The following SLC38A9 variants were observed in gnomAD, a reference collection of about 807,000 sequenced individuals.
SLC38A9 encodes solute carrier family 38 member 9, also known as neutral amino acid transporter 9.
In SLC38A9, 48 loss-of-function variants were observed where a neutral mutation model predicts 62.3. That is an observed-to-expected ratio of 0.77 (90% CI 0.61 to 0.98). SLC38A9 has a LOEUF of 0.98. SLC38A9 is among the 50% of genes least tolerant of loss of function. SLC38A9 has a pLI of 0.00. For synonymous variants in SLC38A9, 204 were observed against 227.7 expected (o/e 0.90, Z 0.94); for missense variants, 541 against 679.8 (o/e 0.80, Z 2.27).
chr5:55,691,273 A>T, intron 3 of SLC38A9: 1 of 1,412,194 alleles, frequency 7.1e-7, no homozygotes, highest in Non-Finnish European at 9.7e-7. Context: ...CCATTATAAT[A>T]CCAAGCTGAC....
At chr5:55,661,531 C>T (rs1580226312) in intron 8 of SLC38A9, among the ~76,000 whole-genome samples, 1 of 149,198 alleles carries the variant, frequency 6.7e-6, no homozygotes. Flanking sequence ...AGTGCAATGT[C>T]AATCAAATTC....
At chr5:55,686,199 C>T (rs1313720200) in intron 3 of SLC38A9, among the ~76,000 whole-genome samples, 1 of 152,120 alleles carries the variant, frequency 6.6e-6, no homozygotes, top group Non-Finnish European at 1.5e-5. Flanking sequence ...GAGGAATCAC[C>T]ACACTATCTT....
chr5:55,629,470 T>C (rs897088756), intron 14 of SLC38A9, among the ~76,000 whole-genome samples: 2 of 152,216 alleles, frequency 1.3e-5, no homozygotes, highest in African/African-American at 4.8e-5. Flanking sequence ...AATCTCATGT[T>C]TGAATATATA....
At chr5:55,688,883 C>T (rs1032761660) in intron 3 of SLC38A9, among the ~76,000 whole-genome samples, 1 of 151,976 alleles carries the variant, frequency 6.6e-6, no homozygotes, top group African/African-American at 2.4e-5. Context: ...CACTCAAAGA[C>T]ATAATAAAGA....
chr5:55,672,809 G>T, intron 3 of SLC38A9, 114 bp from the exon 4 acceptor site: 1 of 989,510 alleles, frequency 1.0e-6, no homozygotes. Context: ...CAAAGGCAAG[G>T]CATTGACTTC....
At position 55,669,775 on chromosome 5, in the gene SLC38A9, G is replaced by A. The variant is rs1195963875; in HGVS notation, c.351C>T (p.Asn117=). The A allele has an allele frequency of 6.2e-7, 1 of 1,613,726 alleles. No homozygotes were observed. ...LQSYTEGYGK[N]TSLVTIFMIW... ...TCACTCACATGGTTACTAAACTGGT[G>A]TTTTTACCGTATCCTTCAGTGTAAC... Residue 117 remains asparagine, a synonymous_variant, in exon 5 of 16, where the codon AAC becomes AAT. Coordinates refer to ENST00000396865, the MANE Select transcript of SLC38A9 (RefSeq NM_173514.4).
chr5:55,700,115 C>A (rs1020862409), intron 2 of SLC38A9, among the ~76,000 whole-genome samples: 17 of 151,876 alleles, frequency 1.1e-4, no homozygotes, highest in Non-Finnish European at 1.8e-4. Flanking sequence ...TCGAGGTGGG[C>A]AGATCACTTG....
intron 4 of SLC38A9, among the ~76,000 whole-genome samples, chr5:55,670,772 T>C (rs1003097875): frequency 1.3e-5 from 2 of 152,126 alleles, no homozygotes; most frequent in Admixed American, 1.3e-4. Flanking sequence ...AGGTCTCAAC[T>C]AGACCCAGAG....
intron 10 of SLC38A9, 101 bp downstream of exon 10, chr5:55,652,428 G>T: frequency 4.4e-5 from 18 of 405,854 alleles, no homozygotes; most frequent in African/African-American, 4.2e-5. Flanking sequence ...AAACACAGAT[G>T]AACAGGCTTG....
intron 10 of SLC38A9, among the ~76,000 whole-genome samples, chr5:55,649,546 G>T (rs1747011250): frequency 6.6e-6 from 1 of 152,210 alleles, no homozygotes; most frequent in Admixed American, 6.5e-5. Flanking sequence ...GATGAGCTGG[G>T]CATGGTGGCT....
intron 12 of SLC38A9, among the ~76,000 whole-genome samples, chr5:55,645,337 G>C (rs1196948723): frequency 6.6e-6 from 1 of 152,148 alleles, no homozygotes; most frequent in Admixed American, 6.5e-5. Flanking sequence ...TTACAGGCCT[G>C]AGCCACCACG....
chr5:55,682,264 A>G (rs1465735454), intron 3 of SLC38A9, among the ~76,000 whole-genome samples: 1 of 152,208 alleles, frequency 6.6e-6, no homozygotes, highest in African/African-American at 2.4e-5. Flanking sequence ...CAAACAAAAA[A>G]TCCTCAACCT....
chr5:55,662,523 A>G (rs1749760154), intron 8 of SLC38A9, among the ~76,000 whole-genome samples: 1 of 152,058 alleles, frequency 6.6e-6, no homozygotes, highest in African/African-American at 2.4e-5. Flanking sequence ...TACAAAAATT[A>G]GCTGGGTGTG....
At chr5:55,710,202 CTTT>C (rs34035874) in intron 2 of SLC38A9, among the ~76,000 whole-genome samples, 42 of 139,120 alleles carry the variant, frequency 3.0e-4, no homozygotes, top group Non-Finnish European at 3.3e-4. Context: ...TAGGTGACAA[CTTT>C]TTTTTTTTTT....
intron 3 of SLC38A9, among the ~76,000 whole-genome samples, chr5:55,686,022 A>G (rs1306035378): frequency 6.6e-6 from 1 of 152,166 alleles, no homozygotes; most frequent in Non-Finnish European, 1.5e-5. Context: ...TATCCAGTCT[A>G]TCATTGATGG....
At chr5:55,707,123 T>C (rs1395531191) in intron 2 of SLC38A9, among the ~76,000 whole-genome samples, 1 of 151,898 alleles carries the variant, frequency 6.6e-6, no homozygotes, top group Non-Finnish European at 1.5e-5. Flanking sequence ...CCTCAAGTAA[T>C]CTTCTTGCCT....
chr5:55,703,383 T>A (rs1756903947), intron 2 of SLC38A9, among the ~76,000 whole-genome samples: 1 of 152,148 alleles, frequency 6.6e-6, no homozygotes, highest in Non-Finnish European at 1.5e-5. Flanking sequence ...AATAGATCAG[T>A]GTAAAATTTA....
chr5:55,699,793 C>T (rs967393418), intron 2 of SLC38A9, among the ~76,000 whole-genome samples: 8 of 151,626 alleles, frequency 5.3e-5, no homozygotes, highest in East Asian at 3.9e-4. Context: ...AGAAAATTAA[C>T]GACATAGAAG....
intron 10 of SLC38A9, among the ~76,000 whole-genome samples, chr5:55,650,696 T>C (rs981313392): frequency 1.3e-5 from 2 of 152,228 alleles, no homozygotes; most frequent in African/African-American, 4.8e-5. Flanking sequence ...ATCCTGTTCC[T>C]GAGGCAGACA....
Sources: allele counts gnomAD v4.1 joint callset (sites outside exome capture counted in the v4.1 genomes callset), GRCh38; gene constraint gnomAD v4.1.1; transcripts MANE v1.5; gene names NCBI Gene and HGNC (gene_info 2026-07-23, HGNC 2026-07-21).